Variants in IFITM10 observed in about 807,000 individuals in gnomAD.
IFITM10 encodes interferon induced transmembrane protein 10.
Under a neutral mutation model 19.0 loss-of-function variants are expected in IFITM10, and 17 were observed. The observed-to-expected ratio is 0.90, with a 90% CI of 0.61 to 1.34. The LOEUF (loss-of-function observed/expected upper bound fraction) is 1.34. IFITM10 is among the 40% of genes most tolerant of loss of function. The pLI is 0.00. For synonymous variants in IFITM10, 148 were observed against 147.2 expected, an observed-to-expected ratio of 1.01 and a Z score of -0.04; for missense variants, 306 against 319.8, an observed-to-expected ratio of 0.96 and a Z score of 0.33.
At chr11:1,742,149 T>G (rs1272392354) in intron 2 of IFITM10, among the ~76,000 whole-genome samples, 1 of 151,868 alleles carries the variant, frequency 6.6e-6, no homozygotes, top group Non-Finnish European at 1.5e-5. Flanking sequence ...GAAGGAAAGA[T>G]GGGATGGATG....
At chr11:1,744,106 G>C (rs572365354) in intron 2 of IFITM10, among the ~76,000 whole-genome samples, 23 of 152,310 alleles carry the variant, frequency 1.5e-4, no homozygotes, top group African/African-American at 5.5e-4. Flanking sequence ...CCTCCTTCTA[G>C]AAGTTTTCCA....
chr11:1,737,758 G>A (rs1271110260), intron 2 of IFITM10, among the ~76,000 whole-genome samples: 3 of 152,176 alleles, frequency 2.0e-5, no homozygotes, highest in African/African-American at 4.8e-5. Flanking sequence ...CTATGATTGC[G>A]TTAGAATTTC....
rs924564375 is a variant in IFITM10, at chr11:1,747,791, G to A, written c.413C>T (p.Thr138Met). Residue 138 changes from threonine to methionine, a missense_variant, in exon 2 of 3, where the codon ACG becomes ATG. Physicochemically the swap from Thr to Met is moderately conservative, Grantham distance 81. Transcript: ENST00000340134. Reference sequence around the variant, plus strand: ...GTCCGGGTAGACCTCGATGACGGTCGTGGGGTTGGTCATCGTCTTCTTCTC... The same window carrying A: ...GTCCGGGTAGACCTCGATGACGGTCATGGGGTTGGTCATCGTCTTCTTCTC... ...LAEKKTMTNPTTVIEVYPDTT... is the reference protein window; with the variant it reads ...LAEKKTMTNPMTVIEVYPDTT... 59 of 1,551,204 alleles carry A rather than the reference G, an allele frequency of 3.8e-5. No individual in the cohort carries two copies. The highest frequency in any genetic ancestry group is 5.9e-5 in the Admixed American group (3 of 50,860).
At chr11:1,741,377 G>C (rs1308718936) in intron 2 of IFITM10, among the ~76,000 whole-genome samples, 1 of 151,790 alleles carries the variant, frequency 6.6e-6, no homozygotes, top group African/African-American at 2.4e-5. Context: ...GCAGAGGTGG[G>C]ACATAGAGGA....
chr11:1,750,285 C>G (rs547529189), intron 1 of IFITM10, 74 bp downstream of exon 1: 348 of 1,549,882 alleles, frequency 2.2e-4, no homozygotes, highest in Non-Finnish European at 2.8e-4. Context: ...GGAGAAAACT[C>G]CAGCCTTCCC....
Position 1,733,732 on chromosome 11 carries a change from G to A in IFITM10, c.*1548C>T, listed in dbSNP as rs1201722407. 1 of 152,226 alleles carries A rather than the reference G, an allele frequency of 6.6e-6. No homozygotes were observed. Among genetic ancestry groups the A allele is most frequent in the African/African-American group, 2.4e-5 (1 of 41,336 alleles). 9.4% of individuals were successfully genotyped at this position (152,226 alleles called of 1,614,324 possible). On this transcript the variant is annotated 3_prime_UTR_variant, in exon 3 of 3. Coordinates refer to ENST00000340134, the MANE Select transcript of IFITM10 (RefSeq NM_001170820.4). This position sits in a 1 kb window ranked among gnomAD's most constrained non-coding sequence, Gnocchi z 6.3. ...CTCCACTGGGCTGTCCAAGTCAAGG[G>A]ACAGGAATCCTCCGGGCTTCTCCCC...
chr11:1,735,211 C>A lies in IFITM10; in HGVS notation c.*69G>T, dbSNP rs375276140. 2.7e-6 allele frequency: 4 copies of A among 1,495,426 alleles called. No homozygotes were observed. Among genetic ancestry groups the A allele is most frequent in the Admixed American group, 4.1e-5 (2 of 49,054 alleles). The allele number at this position is 1,495,426 out of a possible 1,614,324, so 92.6% of individuals were successfully genotyped here. On this transcript the variant is annotated 3_prime_UTR_variant, in exon 3 of 3. Coordinates refer to ENST00000340134, the MANE Select transcript of IFITM10 (RefSeq NM_001170820.4). Reference sequence around the variant, plus strand: ...CCTGCCCCAACCTCATGGGATCCTGCGTTTCAGGGACCATGAGAATAAACA... The same window carrying A: ...CCTGCCCCAACCTCATGGGATCCTGAGTTTCAGGGACCATGAGAATAAACA...
chr11:1,743,596 G>T (rs1845598578), intron 2 of IFITM10, among the ~76,000 whole-genome samples: 1 of 152,126 alleles, frequency 6.6e-6, no homozygotes, highest in Non-Finnish European at 1.5e-5. Flanking sequence ...GTGAGTGGGT[G>T]AGTGTGTACA....
At chr11:1,746,943 C>A (rs1007028468) in intron 2 of IFITM10, 6 of 397,350 alleles carry the variant, frequency 1.5e-5, no homozygotes, top group African/African-American at 1.2e-4. Context: ...CATTGACACA[C>A]GGCTGCCCCT....
At chr11:1,740,701 T>C (rs1189748762) in intron 2 of IFITM10, among the ~76,000 whole-genome samples, 3 of 152,180 alleles carry the variant, frequency 2.0e-5, no homozygotes, top group Admixed American at 6.5e-5. Context: ...GGCAGAGATA[T>C]AAATTTGAGA....
intron 2 of IFITM10, chr11:1,746,807 A>G: frequency 2.5e-6 from 1 of 398,618 alleles, no homozygotes; most frequent in Non-Finnish European, 4.4e-6. Flanking sequence ...GGGCTGGGGA[A>G]ATGTGATGAT....
chr11:1,748,998 G>C, intron 1 of IFITM10: 1 of 1,032,554 alleles, frequency 9.7e-7, no homozygotes, highest in Non-Finnish European at 1.2e-6. Context: ...GCAGCCCCCC[G>C]GACGGCGCCT....
intron 2 of IFITM10, among the ~76,000 whole-genome samples, chr11:1,747,239 C>T (rs1483761988): frequency 1.3e-5 from 2 of 152,154 alleles, no homozygotes; most frequent in Non-Finnish European, 2.9e-5. Context: ...CTCTTCCTTT[C>T]CATAGGGGTA....
Position 1,747,718 on chromosome 11 carries a change from G to A in IFITM10, c.486C>T (p.Val162=). ...DYYLWSIFNF[V]YLNFCCLGFI... ...AGCCCAGGCAGCAGAAGTTGAGGTA[G>A]ACGAAGTTGAAGATGGACCACAGGT... Residue 162 remains valine (V), a synonymous_variant, in exon 2 of 3, where the codon GTC becomes GTT. Coordinates refer to ENST00000340134, the MANE Select transcript of IFITM10 (RefSeq NM_001170820.4). 6.4e-7 allele frequency: 1 copy of A among 1,551,836 alleles called. No homozygotes were observed. The highest frequency in any genetic ancestry group is 1.2e-5 in the South Asian group (1 of 84,064).
At chr11:1,745,326 G>A (rs1307320064) in intron 2 of IFITM10, 2 of 152,340 alleles carry the variant, frequency 1.3e-5, no homozygotes, top group Non-Finnish European at 2.9e-5. Flanking sequence ...GCTGTTGGCA[G>A]GGCACAGAGA....
Position 1,733,686 on chromosome 11 carries a change from C to A in IFITM10, c.*1594G>T. 1 of 152,432 alleles carries A rather than the reference C, an allele frequency of 6.6e-6. No homozygotes were observed. 9.4% of individuals were successfully genotyped at this position (152,432 alleles called of 1,614,324 possible). A position where few individuals can be genotyped will look rare whatever the true frequency, so the allele number is the denominator to read the frequency against. ...TCAACATCTTCTTCTCCCTGGTTTCCTGCCCTTGGTACACAGCCCTCTCCA... is the reference window on the plus strand; with the variant it reads ...TCAACATCTTCTTCTCCCTGGTTTCATGCCCTTGGTACACAGCCCTCTCCA... On this transcript the variant is annotated 3_prime_UTR_variant, in exon 3 of 3. Transcript: ENST00000340134. This position sits in a 1 kb window ranked among gnomAD's most constrained non-coding sequence, Gnocchi z 6.3.
At chr11:1,739,511 T>C (rs988000743) in intron 2 of IFITM10, among the ~76,000 whole-genome samples, 2 of 152,186 alleles carry the variant, frequency 1.3e-5, no homozygotes, top group African/African-American at 4.8e-5. Context: ...GCTTACATTG[T>C]AGGGAGAAGA....
intron 2 of IFITM10, 51 bp downstream of exon 2, chr11:1,747,616 C>T (rs186423795): frequency 2.1e-5 from 31 of 1,494,196 alleles, no homozygotes; most frequent in Admixed American, 9.9e-5. Flanking sequence ...ACTGTCCTGC[C>T]GGCACCACCT....
intron 2 of IFITM10, 31 bp downstream of exon 2, chr11:1,747,636 G>C (rs999055578): frequency 6.5e-7 from 1 of 1,542,462 alleles, no homozygotes; most frequent in Middle Eastern, 1.7e-4. Flanking sequence ...TCTCTAGCCC[G>C]CCCTTGCCCC....
Sources: gnomAD v4.1 joint callset for allele counts (sites outside exome capture counted in the v4.1 genomes callset) on GRCh38, gnomAD v4.1.1 for gene constraint, Gnocchi (gnomAD v3.1) non-coding constraint, MANE v1.5 for transcripts, NCBI Gene and HGNC (gene_info 2026-07-23, HGNC 2026-07-21) for gene names.